The following ANKRD13C variants were observed in gnomAD, a reference collection of about 807,000 sequenced individuals.
The protein encoded by ANKRD13C is ankyrin repeat domain-containing protein 13C.
ANKRD13C carries 16 observed loss-of-function variants against 65.5 expected under a neutral mutation model. The ratio of observed to expected loss-of-function variants is 0.24; its 90% CI spans 0.17 to 0.37. The LOEUF is 0.37. ANKRD13C is among the 10% of genes least tolerant of loss of function. ANKRD13C has a pLI of 1.00. For missense variants in ANKRD13C, 503 were observed against 655.9 expected (o/e 0.77, Z 2.55); for synonymous variants, 235 against 238.7 (o/e 0.98, Z 0.14).
chr1:70,311,564 G>A (rs948379222), intron 5 of ANKRD13C, among the ~76,000 whole-genome samples: 1 of 152,116 alleles, frequency 6.6e-6, no homozygotes, highest in Non-Finnish European at 1.5e-5. Context: ...GGGGTTGTGT[G>A]TGCATAGCTA....
At chr1:70,322,254 A>G (rs1156732224) in intron 3 of ANKRD13C, among the ~76,000 whole-genome samples, 7 of 152,190 alleles carry the variant, frequency 4.6e-5, no homozygotes, top group Non-Finnish European at 8.8e-5. Context: ...ATAAATAAAA[A>G]TAAGTACAGA....
chr1:70,311,242 C>A (rs773234053), intron 5 of ANKRD13C, among the ~76,000 whole-genome samples: 1 of 152,080 alleles, frequency 6.6e-6, no homozygotes, highest in Non-Finnish European at 1.5e-5. Flanking sequence ...CCTGTAATCC[C>A]TACACTTTGG....
At chr1:70,331,431 C>T (rs762072936) in intron 2 of ANKRD13C, among the ~76,000 whole-genome samples, 5 of 150,234 alleles carry the variant, frequency 3.3e-5, no homozygotes, top group Admixed American at 6.7e-5. Flanking sequence ...CATGGTAACA[C>T]ACACCTGTAA....
chr1:70,309,970 G>T (rs1040073539), intron 5 of ANKRD13C, among the ~76,000 whole-genome samples: 2 of 152,138 alleles, frequency 1.3e-5, no homozygotes, highest in Admixed American at 6.5e-5. Context: ...AACAGGTGGG[G>T]TAGTTAGTAT....
chr1:70,290,679 C>CTA (rs939494325), intron 9 of ANKRD13C, among the ~76,000 whole-genome samples: 10 of 151,632 alleles, frequency 6.6e-5, no homozygotes, highest in African/African-American at 2.4e-4. Context: ...GTAGTTGGAA[C>CTA]TATAGGCTCA....
intron 3 of ANKRD13C, among the ~76,000 whole-genome samples, chr1:70,318,381 C>T (rs571549002): frequency 5.2e-4 from 79 of 152,152 alleles, no homozygotes; most frequent in Non-Finnish European, 8.7e-4. Flanking sequence ...GCTTTTGGAA[C>T]TATGCCCTAC....
At chr1:70,289,771 C>A (rs1468760020) in intron 9 of ANKRD13C, among the ~76,000 whole-genome samples, 2 of 152,040 alleles carry the variant, frequency 1.3e-5, no homozygotes, top group Non-Finnish European at 2.9e-5. Context: ...CCACCGCGCC[C>A]AGCCTGTGTT....
At chr1:70,266,801 C>A (rs920151217) in intron 12 of ANKRD13C, among the ~76,000 whole-genome samples, 4 of 152,148 alleles carry the variant, frequency 2.6e-5, no homozygotes, top group African/African-American at 9.7e-5. Context: ...TCAGAGAACA[C>A]ACTCGGTATG....
At chr1:70,317,107 G>A (rs1241554239) in intron 3 of ANKRD13C, among the ~76,000 whole-genome samples, 1 of 151,796 alleles carries the variant, frequency 6.6e-6, no homozygotes, top group Non-Finnish European at 1.5e-5. Context: ...AAAATCTAGG[G>A]AAGCATGTAA....
intron 12 of ANKRD13C, among the ~76,000 whole-genome samples, chr1:70,266,559 G>A (rs1371598299): frequency 6.6e-6 from 1 of 152,024 alleles, no homozygotes; most frequent in African/African-American, 2.4e-5. Context: ...TCTTGCCTAT[G>A]TCTATAAAAA....
intron 2 of ANKRD13C, among the ~76,000 whole-genome samples, chr1:70,326,735 C>G (rs1427477458): frequency 6.6e-6 from 1 of 151,928 alleles, no homozygotes; most frequent in Non-Finnish European, 1.5e-5. Context: ...CATGTTGCAT[C>G]TACATTACAT....
intron 11 of ANKRD13C, among the ~76,000 whole-genome samples, chr1:70,271,887 T>C (rs372758173): frequency 3.9e-5 from 6 of 152,342 alleles, no homozygotes; most frequent in East Asian, 3.9e-4. Flanking sequence ...TGAACCATTT[T>C]TGTCCTCCAT....
chr1:70,262,855 G>A lies in ANKRD13C; in HGVS notation c.1496-8C>T, dbSNP rs747184413. ...TGGGAAACACAGGTATATCTACAGAGAGAACATCAATGATAGCATTGTAAA... is the reference window on the plus strand; with the variant it reads ...TGGGAAACACAGGTATATCTACAGAAAGAACATCAATGATAGCATTGTAAA... On this transcript the variant is annotated splice_polypyrimidine_tract_variant and splice_region_variant and intron_variant, in intron 12 of 12. Transcript: ENST00000370944. 6 of 1,591,956 alleles carry A rather than the reference G, an allele frequency of 3.8e-6. No homozygotes were observed. The highest frequency in any genetic ancestry group is 5.1e-6 in the Non-Finnish European group (6 of 1,167,732).
At chr1:70,310,770 A>G (rs1680814610) in intron 5 of ANKRD13C, among the ~76,000 whole-genome samples, 1 of 152,226 alleles carries the variant, frequency 6.6e-6, no homozygotes, top group Admixed American at 6.5e-5. Flanking sequence ...TCAAGGGACA[A>G]CCCAGTTTAG....
At chr1:70,317,873 A>G (rs1295136929) in intron 3 of ANKRD13C, among the ~76,000 whole-genome samples, 1 of 152,180 alleles carries the variant, frequency 6.6e-6, no homozygotes, top group Non-Finnish European at 1.5e-5. Context: ...AATAAAAAGC[A>G]GAGGCTACAT....
chr1:70,347,872 G>A (rs936153710), intron 1 of ANKRD13C, among the ~76,000 whole-genome samples: 2 of 152,170 alleles, frequency 1.3e-5, no homozygotes, highest in Admixed American at 1.3e-4. Flanking sequence ...ACTTTAATGT[G>A]TTATAAACTT....
chr1:70,275,414 G>A (rs1322487695), intron 10 of ANKRD13C, among the ~76,000 whole-genome samples: 1 of 152,068 alleles, frequency 6.6e-6, no homozygotes, highest in Non-Finnish European at 1.5e-5. Context: ...GGGAAAAAAG[G>A]TGATCTGGTT....
At chr1:70,292,581 T>C in intron 8 of ANKRD13C, 32 bp from the exon 9 acceptor site, 2 of 1,523,022 alleles carry the variant, frequency 1.3e-6, no homozygotes. Context: ...AAAAGTAAAA[T>C]TTTTAGGTTA....
intron 12 of ANKRD13C, among the ~76,000 whole-genome samples, chr1:70,265,824 CAAAAAAAAAAAAAAAAAA>C (rs775757290): frequency 1.1e-4 from 4 of 35,442 alleles, no homozygotes; most frequent in African/African-American, 2.4e-4. Flanking sequence ...GACCTTGCCT[CAAAAAAAAAAAAAAAAAA>C]AAAAAAAAAG....
Sources: gnomAD v4.1 joint callset for allele counts (sites outside exome capture counted in the v4.1 genomes callset) on GRCh38, gnomAD v4.1.1 for gene constraint, MANE v1.5 for transcripts, NCBI Gene and HGNC (gene_info 2026-07-23, HGNC 2026-07-21) for gene names.